The following ZDHHC13 variants were observed in gnomAD, a reference collection of about 807,000 sequenced individuals.
ZDHHC13 encodes the protein zDHHC palmitoyltransferase 13.
A neutral mutation model predicts 86.0 loss-of-function variants in ZDHHC13; 85 were observed. The ratio of observed to expected loss-of-function variants is 0.99; its 90% CI spans 0.83 to 1.18. The LOEUF is 1.18. Among genes scored for constraint, ZDHHC13 ranks in the 50% most tolerant of loss-of-function variants. The pLI is 0.00. For synonymous variants in ZDHHC13, 263 were observed against 246.4 expected (o/e 1.07, Z -0.63); for missense variants, 711 against 730.2 (o/e 0.97, Z 0.30).
At chr11:19,133,968 G>T (rs1309497362) in intron 1 of ZDHHC13, among the ~76,000 whole-genome samples, 2 of 91,768 alleles carry the variant, frequency 2.2e-5, no homozygotes, top group African/African-American at 3.4e-5. Flanking sequence ...ATATACTTCA[G>T]TCTTTATAAT....
chr11:19,129,313 C>T (rs1019326607), intron 1 of ZDHHC13, among the ~76,000 whole-genome samples: 1 of 152,104 alleles, frequency 6.6e-6, no homozygotes, highest in African/African-American at 2.4e-5. Context: ...TGATAATGAG[C>T]ATATTTGCTT....
In ZDHHC13 at chr11:19,117,540, G is replaced by T. The variant is rs1426431561; in HGVS notation, c.27+264G>T. Among the ~76,000 whole-genome samples, 1 of 152,110 alleles carries T rather than the reference G, an allele frequency of 6.6e-6. No individual in the cohort carries two copies. The highest frequency in any genetic ancestry group is 1.5e-5 in the Non-Finnish European group (1 of 68,012). On this transcript the variant is annotated intron_variant, in intron 1 of 16. Coordinates refer to ENST00000446113, the MANE Select transcript of ZDHHC13 (RefSeq NM_019028.3). The surrounding 1 kb of genome is among the most constrained non-coding windows in gnomAD (Gnocchi z 4.2). ...ATCCCTGGCCAGGGCGCCCCCTGGG[G>T]CCGGTACCCGGAGCCCGGCGGGGAC...
At chr11:19,124,446 C>G (rs1848827543) in intron 1 of ZDHHC13, among the ~76,000 whole-genome samples, 1 of 151,988 alleles carries the variant, frequency 6.6e-6, no homozygotes, top group African/African-American at 2.4e-5. Context: ...ACCCTGTATT[C>G]ACTTCTGTAT....
chr11:19,126,529 T>TA (rs1207367263), intron 1 of ZDHHC13, among the ~76,000 whole-genome samples: 1 of 143,052 alleles, frequency 7.0e-6, no homozygotes, highest in East Asian at 2.1e-4. Context: ...TTTTTTTTTT[T>TA]AGTAGAGACG....
At position 19,159,042 on chromosome 11, in the gene ZDHHC13, T is replaced by C; in HGVS notation, c.1108+2T>C. On this transcript the variant is annotated splice_donor_variant, in intron 10 of 16. Coordinates refer to ENST00000446113, the MANE Select transcript of ZDHHC13 (RefSeq NM_019028.3). LOFTEE classifies it high-confidence loss of function. Reference sequence around the variant, plus strand: ...CTTGGTTCATCTTATTTTTTCCTGATATCCTTTAAGCATCAATTTTGATGT... The same window carrying C: ...CTTGGTTCATCTTATTTTTTCCTGACATCCTTTAAGCATCAATTTTGATGT... The C allele has an allele frequency of 6.5e-7, 1 of 1,538,120 alleles. No homozygotes were observed. Among genetic ancestry groups the C allele is most frequent in the Non-Finnish European group, 8.8e-7 (1 of 1,137,982 alleles).
At position 19,170,525 on chromosome 11, in the gene ZDHHC13, A is replaced by G. The variant is rs1218603512; in HGVS notation, c.1589A>G (p.His530Arg). 1 of 1,529,768 alleles carries G rather than the reference A, an allele frequency of 6.5e-7. No individual in the cohort carries two copies. The highest frequency in any genetic ancestry group is 1.3e-5 in the South Asian group (1 of 78,612). The allele number at this position is 1,529,768 out of a possible 1,614,324, so 94.8% of individuals were successfully genotyped here. The change falls in exon 15 of 17, where the codon CAT (histidine) becomes CGT (arginine). Residue 530 changes from histidine (H) to arginine (R), a missense_variant. Coordinates refer to ENST00000446113, the MANE Select transcript of ZDHHC13 (RefSeq NM_019028.3). ...VLYILMLATFHFSWSTFLLLN... is the reference protein window; with the variant it reads ...VLYILMLATFRFSWSTFLLLN... ...TATATCTTGATGCTAGCAACTTTCCATTTCTCATGGTCAACATTTTTATTA... is the reference window on the plus strand; with the variant it reads ...TATATCTTGATGCTAGCAACTTTCCGTTTCTCATGGTCAACATTTTTATTA...
At chr11:19,139,204 A>G (rs1004668271) in intron 1 of ZDHHC13, among the ~76,000 whole-genome samples, 4 of 152,160 alleles carry the variant, frequency 2.6e-5, no homozygotes, top group African/African-American at 9.6e-5. Context: ...CTGATAAGCA[A>G]CTTCAGCAAA....
intron 1 of ZDHHC13, among the ~76,000 whole-genome samples, chr11:19,126,132 C>CTT (rs767644613): frequency 4.1e-4 from 63 of 151,918 alleles, no homozygotes; most frequent in Non-Finnish European, 2.4e-4. Context: ...CTTTTAAAAA[C>CTT]TTTTGTTTTA....
intron 10 of ZDHHC13, among the ~76,000 whole-genome samples, 196 bp from the exon 11 acceptor site, chr11:19,163,107 T>C (rs1849956283): frequency 6.6e-6 from 1 of 152,122 alleles, no homozygotes; most frequent in Non-Finnish European, 1.5e-5. Flanking sequence ...CTTCAACTAA[T>C]AAGGAAACAT....
chr11:19,146,170 T>C lies in ZDHHC13; in HGVS notation c.174-11T>C, dbSNP rs2271000. ...ATTGTATCAATTATGCTTTTTTTTT[T>C]CTTCTTTGAGATACGGAATTTTTGA... On this transcript the variant is annotated splice_polypyrimidine_tract_variant and intron_variant, in intron 2 of 16. Transcript: ENST00000446113. The C allele has an allele frequency of 3.7e-3, 5,832 of 1,555,624 alleles. 203 individuals are homozygous for C. The East Asian group carries it at 0.09, about 24-fold the overall frequency.
At chr11:19,137,013 G>C (rs886208690) in intron 1 of ZDHHC13, among the ~76,000 whole-genome samples, 18 of 151,562 alleles carry the variant, frequency 1.2e-4, no homozygotes, top group East Asian at 1.2e-3. Context: ...ATGAACTAAC[G>C]AGCAAAATAA....
Position 19,172,810 on chromosome 11 carries a change from A to G in ZDHHC13, c.1720A>G (p.Thr574Ala), listed in dbSNP as rs1227993400. 3 of 1,601,092 alleles carry G rather than the reference A, an allele frequency of 1.9e-6. No homozygotes were observed. Among genetic ancestry groups the G allele is most frequent in the Non-Finnish European group, 1.7e-6 (2 of 1,173,978 alleles). The change falls in exon 16 of 17, where the codon ACA becomes GCA. Residue 574 changes from threonine to alanine, a missense_variant. Thr to Ala is a moderately conservative substitution (Grantham distance 58, BLOSUM62 0). Coordinates refer to ENST00000446113, the MANE Select transcript of ZDHHC13 (RefSeq NM_019028.3). The stretch of plus-strand genomic sequence containing the variant: ...GAAACAGACGTTGTCCCTCAGGAAG[A>G]CACCATACAAGTAAGCGAGACCTGT... ...HMKQTLSLRKTPYNLGFMQNL... is the reference protein window; with the variant it reads ...HMKQTLSLRKAPYNLGFMQNL...
At chr11:19,127,703 AG>A (rs1848907792) in intron 1 of ZDHHC13, among the ~76,000 whole-genome samples, 1 of 152,142 alleles carries the variant, frequency 6.6e-6, no homozygotes, top group Non-Finnish European at 1.5e-5. Context: ...TTATTGAATA[AG>A]GAGGCTTTTC....
intron 1 of ZDHHC13, among the ~76,000 whole-genome samples, chr11:19,140,138 A>C (rs1348615421): frequency 1.3e-5 from 2 of 150,164 alleles, no homozygotes; most frequent in Non-Finnish European, 1.5e-5. Context: ...AACCTACAAC[A>C]TGGGAGAAAA....
At chr11:19,146,032 C>T in intron 2 of ZDHHC13, 149 bp from the exon 3 acceptor site, 1 of 797,188 alleles carries the variant, frequency 1.3e-6, no homozygotes, top group South Asian at 2.0e-5. Context: ...TATACTGTGT[C>T]CTCTCTATGC....
At chr11:19,157,460 G>A (rs910881127) in intron 9 of ZDHHC13, among the ~76,000 whole-genome samples, 1 of 152,170 alleles carries the variant, frequency 6.6e-6, no homozygotes, top group African/African-American at 2.4e-5. Context: ...TCTTACTACT[G>A]TATCACCCAA....
chr11:19,139,117 T>C (rs1457408612), intron 1 of ZDHHC13, among the ~76,000 whole-genome samples: 2 of 152,024 alleles, frequency 1.3e-5, no homozygotes, highest in Non-Finnish European at 2.9e-5. Context: ...AAAAAGGAAG[T>C]CAAATTGTCC....
rs748915706 is a variant in ZDHHC13 at position 19,146,350 on chromosome 11, T to C, written c.296+47T>C. ...AATTGTGTATTTATAATTTTAGACCTCTCCTTCATTTATCTTTTTCTTTAA... is the reference window on the plus strand; with the variant it reads ...AATTGTGTATTTATAATTTTAGACCCCTCCTTCATTTATCTTTTTCTTTAA... On this transcript the variant is annotated intron_variant, in intron 3 of 16. Transcript: ENST00000446113. 49 of 1,574,480 alleles carry C rather than the reference T, an allele frequency of 3.1e-5. 1 individual carries two copies. The South Asian group carries it at 5.7e-4, about 18-fold the overall frequency.
chr11:19,126,739 A>G (rs1177166850), intron 1 of ZDHHC13, among the ~76,000 whole-genome samples: 2 of 151,910 alleles, frequency 1.3e-5, no homozygotes, highest in Non-Finnish European at 1.5e-5. Context: ...CTGTTCCTGC[A>G]TAGGGGTAAT....
Sources: gnomAD v4.1 joint callset for allele counts (sites outside exome capture counted in the v4.1 genomes callset) on GRCh38, gnomAD v4.1.1 for gene constraint, Gnocchi (gnomAD v3.1) non-coding constraint, MANE v1.5 for transcripts, NCBI Gene and HGNC (gene_info 2026-07-23, HGNC 2026-07-21) for gene names.